UGT1A9: variants seen among roughly 807,000 people sequenced by gnomAD.
The protein encoded by UGT1A9 is UDP-glucuronosyltransferase 1A9.
A neutral mutation model predicts 45.0 loss-of-function variants in UGT1A9; 35 were observed. That is an observed-to-expected ratio of 0.78 (90% CI 0.59 to 1.03). UGT1A9 has a LOEUF of 1.03. Ranked by LOEUF, UGT1A9 falls within the 50% of genes least tolerant of loss-of-function variation. The pLI, the probability that UGT1A9 is intolerant of heterozygous loss-of-function variation, is 0.00. For synonymous variants in UGT1A9, 278 were observed against 250.6 expected (o/e 1.11, Z -1.03); for missense variants, 687 against 666.6 (o/e 1.03, Z -0.34).
At chr2:233,705,564 C>A (rs529349858) in intron 1 of UGT1A9, among the ~76,000 whole-genome samples, 233 of 152,138 alleles carry the variant, frequency 1.5e-3, no homozygotes, top group Non-Finnish European at 2.7e-3. Context: ...TTGCTTGTGG[C>A]AAGGGATAGA....
chr2:233,717,792 G>A (rs1353792882), intron 1 of UGT1A9: 6 of 456,092 alleles, frequency 1.3e-5, no homozygotes, highest in African/African-American at 4.0e-5. Flanking sequence ...GAAATTTGAA[G>A]TAGTGCCCCC....
At chr2:233,761,066 T>G in intron 1 of UGT1A9, 1 of 1,614,188 alleles carries the variant, frequency 6.2e-7, no homozygotes, top group Non-Finnish European at 8.5e-7. Context: ...AGAAGTGACT[T>G]TGTGAAGGAT....
At chr2:233,691,495 G>A (rs1226751684) in intron 1 of UGT1A9, 1 of 985,646 alleles carries the variant, frequency 1.0e-6, no homozygotes, top group East Asian at 1.1e-4. Context: ...GGTGGGAACA[G>A]GAACTCGCGT....
chr2:233,719,869 A>G (rs1253818666), intron 1 of UGT1A9, among the ~76,000 whole-genome samples: 1 of 152,178 alleles, frequency 6.6e-6, no homozygotes, highest in Non-Finnish European at 1.5e-5. Flanking sequence ...ACTGAGAGGA[A>G]GAAGAGGCAC....
chr2:233,772,147 T>C, intron 4 of UGT1A9, 115 bp from the exon 5 acceptor site: 1 of 1,552,928 alleles, frequency 6.4e-7, no homozygotes, highest in East Asian at 2.4e-5. Flanking sequence ...TAGAAACAGG[T>C]TTCCTTTCCC....
chr2:233,736,749 T>C (rs1395071479), intron 1 of UGT1A9, among the ~76,000 whole-genome samples: 1 of 152,196 alleles, frequency 6.6e-6, no homozygotes, highest in African/African-American at 2.4e-5. Flanking sequence ...TTTCTGTTTG[T>C]TAGTTTTCCT....
intron 1 of UGT1A9, among the ~76,000 whole-genome samples, chr2:233,748,618 A>C (rs1693989707): frequency 1.3e-5 from 2 of 151,764 alleles, no homozygotes; most frequent in Non-Finnish European, 2.9e-5. Flanking sequence ...CGAACGTGGG[A>C]TATATGTCTG....
chr2:233,748,006 A>T, intron 1 of UGT1A9: 1 of 1,613,448 alleles, frequency 6.2e-7, no homozygotes, highest in African/African-American at 1.3e-5. Context: ...GTGATGGATT[A>T]CCCCAGGCCG....
At chr2:233,772,139 G>C in intron 4 of UGT1A9, 123 bp from the exon 5 acceptor site, 1 of 1,548,574 alleles carries the variant, frequency 6.5e-7, no homozygotes, top group Non-Finnish European at 8.7e-7. Context: ...AACAATAATA[G>C]AAACAGGTTT....
chr2:233,758,784 C>CAGT (rs1243444315), intron 1 of UGT1A9, among the ~76,000 whole-genome samples: 1 of 152,158 alleles, frequency 6.6e-6, no homozygotes, highest in Non-Finnish European at 1.5e-5. Context: ...GGGATCTGTG[C>CAGT]AGTTATCTTG....
chr2:233,743,988 C>A (rs893316227), intron 1 of UGT1A9: 2 of 1,273,412 alleles, frequency 1.6e-6, no homozygotes, highest in Non-Finnish European at 1.0e-6. Flanking sequence ...CAGGCGCAGG[C>A]CCGAGTGCTC....
intron 1 of UGT1A9, among the ~76,000 whole-genome samples, chr2:233,680,696 T>G (rs950458533): frequency 2.0e-5 from 3 of 152,096 alleles, no homozygotes; most frequent in African/African-American, 4.8e-5. Flanking sequence ...TGAAAACAGG[T>G]AGAAGATGTA....
At chr2:233,684,175 T>A (rs1300963446) in intron 1 of UGT1A9, among the ~76,000 whole-genome samples, 2 of 152,194 alleles carry the variant, frequency 1.3e-5, no homozygotes, top group African/African-American at 2.4e-5. Flanking sequence ...TATTGGCAGA[T>A]GTTTGGTGAA....
rs756268020 is a variant in UGT1A9 at position 233,672,451 on chromosome 2, C to T, written c.517C>T (p.Leu173Phe). 6.8e-6 allele frequency: 11 copies of T among 1,613,824 alleles called. No homozygotes were observed. Among genetic ancestry groups the T allele is most frequent in the South Asian group, 1.1e-5 (1 of 91,080 alleles). Residue 173 changes from leucine to phenylalanine, a missense_variant, in exon 1 of 5, where the codon CTT (leucine) becomes TTT (phenylalanine). Transcript: ENST00000354728. Reference protein sequence around the residue: ...LPSVVFARGILCHYLEEGAQC... With the variant: ...LPSVVFARGIFCHYLEEGAQC... ...CTCCGTGGTCTTCGCCAGGGGAATA[C>T]TTTGCCACTATCTTGAAGAAGGTGC... is the stretch of plus-strand genomic sequence containing the variant.
intron 1 of UGT1A9, among the ~76,000 whole-genome samples, chr2:233,705,866 T>C (rs1328225080): frequency 6.6e-6 from 1 of 152,092 alleles, no homozygotes; most frequent in African/African-American, 2.4e-5. Flanking sequence ...GGCAGGCAGA[T>C]CACTTGAGGC....
intron 1 of UGT1A9, among the ~76,000 whole-genome samples, chr2:233,728,930 G>A (rs144892248): frequency 6.9e-6 from 1 of 145,550 alleles, no homozygotes; most frequent in East Asian, 1.9e-4. Flanking sequence ...GTCATGATCG[G>A]TCTTTTCCAG....
At chr2:233,768,145 T>C in intron 3 of UGT1A9, 75 bp from the exon 4 acceptor site, 1 of 1,611,332 alleles carries the variant, frequency 6.2e-7, no homozygotes, top group Non-Finnish European at 8.5e-7. Flanking sequence ...TTTGGAGTGT[T>C]TTCAGAACCT....
At chr2:233,747,965 T>C (rs1575687176) in intron 1 of UGT1A9, 2 of 1,613,472 alleles carry the variant, frequency 1.2e-6, no homozygotes, top group Non-Finnish European at 1.7e-6. Flanking sequence ...TTCTCAGCCA[T>C]GCATCTGTGT....
chr2:233,698,061 G>A (rs1449377967), intron 1 of UGT1A9, among the ~76,000 whole-genome samples: 1 of 152,128 alleles, frequency 6.6e-6, no homozygotes, highest in Non-Finnish European at 1.5e-5. Context: ...CAGTTATATT[G>A]AGAAACTGGG....
Sources: gnomAD v4.1 joint callset for allele counts (sites outside exome capture counted in the v4.1 genomes callset) on GRCh38, gnomAD v4.1.1 for gene constraint, MANE v1.5 for transcripts, NCBI Gene and HGNC (gene_info 2026-07-23, HGNC 2026-07-21) for gene names.